Variants in DACH2 observed in about 807,000 individuals in gnomAD.
DACH2 encodes dachshund homolog 2.
DACH2 carries 17 observed loss-of-function variants against 35.8 expected under a neutral mutation model. The observed-to-expected ratio is 0.48, with a 90% CI of 0.33 to 0.71. The LOEUF (loss-of-function observed/expected upper bound fraction) is 0.71. Among genes scored for constraint, DACH2 ranks in the 30% least tolerant of loss-of-function variants. The pLI is 0.02. For synonymous variants in DACH2, 195 were observed against 177.3 expected (o/e 1.10, Z -0.79); for missense variants, 469 against 472.7 (o/e 0.99, Z 0.07).
At chrX:86,278,266 C>T (rs1321614274) in intron 1 of DACH2, among the ~76,000 whole-genome samples, 1 of 111,987 alleles carries the variant, frequency 8.9e-6, no homozygotes, top group Non-Finnish European at 1.9e-5. Flanking sequence ...TGACAACTCC[C>T]GAGTACACAT....
chrX:86,486,103 A>G (rs888429581), intron 2 of DACH2, among the ~76,000 whole-genome samples: 2 of 110,808 alleles, frequency 1.8e-5, no homozygotes, highest in Admixed American at 9.7e-5. Context: ...CACTGGTCCC[A>G]CCATACCCTC....
intron 1 of DACH2, among the ~76,000 whole-genome samples, chrX:86,233,948 G>T (rs1281420964): frequency 8.9e-6 from 1 of 111,911 alleles, no homozygotes; most frequent in Non-Finnish European, 1.9e-5. Flanking sequence ...AGAATTATGG[G>T]AGTACAATTC....
At chrX:86,471,854 G>T (rs1019907863) in intron 2 of DACH2, among the ~76,000 whole-genome samples, 4 of 111,378 alleles carry the variant, frequency 3.6e-5, no homozygotes, top group African/African-American at 1.3e-4. Context: ...TTATATTCTT[G>T]AAAATTGCTA....
intron 3 of DACH2, among the ~76,000 whole-genome samples, chrX:86,556,448 G>T (rs761316230): frequency 9.1e-6 from 1 of 110,192 alleles, no homozygotes; most frequent in Admixed American, 9.8e-5. Flanking sequence ...GCTTTTCAAA[G>T]ATTGGGTTCT....
intron 4 of DACH2, among the ~76,000 whole-genome samples, chrX:86,680,890 G>A (rs757605598): frequency 1.9e-4 from 21 of 110,422 alleles, no homozygotes; most frequent in Admixed American, 5.8e-4. Context: ...TTGGCCTTAA[G>A]CAATCCTCCT....
At chrX:86,781,937 A>G (rs1230895807) in intron 7 of DACH2, among the ~76,000 whole-genome samples, 1 of 112,172 alleles carries the variant, frequency 8.9e-6, no homozygotes, top group Admixed American at 9.5e-5. Context: ...GGAAAATTTT[A>G]AAGACTCCAC....
intron 1 of DACH2, among the ~76,000 whole-genome samples, chrX:86,161,566 A>C (rs1419234055): frequency 1.8e-5 from 2 of 112,253 alleles, no homozygotes; most frequent in Non-Finnish European, 3.8e-5. Flanking sequence ...ATTTTTGTGA[A>C]GCGTTTCTAC....
intron 7 of DACH2, among the ~76,000 whole-genome samples, chrX:86,801,025 A>T (rs1267081574): frequency 2.7e-5 from 3 of 111,353 alleles, no homozygotes; most frequent in Admixed American, 9.6e-5. Flanking sequence ...AAAAAATGTG[A>T]AAATTGCAGT....
At chrX:86,651,340 T>C (rs1324438269) in intron 4 of DACH2, among the ~76,000 whole-genome samples, 173 bp downstream of exon 4, 1 of 112,060 alleles carries the variant, frequency 8.9e-6, no homozygotes, top group Admixed American at 9.5e-5. Context: ...TAGAAAACAG[T>C]TACAAGTCAT....
rs2042621582 is a variant in DACH2, at chrX:86,832,359, C to G, written c.*204C>G. 5.5e-6 allele frequency: 2 copies of G among 365,675 alleles called. No homozygotes were observed. Among genetic ancestry groups the G allele is most frequent in the Admixed American group, 1.1e-4 (2 of 18,695 alleles). The allele number at this position is 365,675 out of a possible 1,213,427, so 30.1% of individuals were successfully genotyped here. On this transcript the variant is annotated 3_prime_UTR_variant, in exon 12 of 12. Coordinates refer to ENST00000373125, the MANE Select transcript of DACH2 (RefSeq NM_053281.3). ...AAACTTTGTTCTTGCATTAGACTGA[C>G]CAGTTTAAAAATATGAACTAAAACC...
chrX:86,827,628 T>C, intron 11 of DACH2: 7 of 495,306 alleles, frequency 1.4e-5, no homozygotes, highest in Non-Finnish European at 2.5e-5. Context: ...GAGAGATATA[T>C]TCAAATCTTG....
chrX:86,301,912 C>A (rs6617218), intron 1 of DACH2, among the ~76,000 whole-genome samples: 1 of 111,065 alleles, frequency 9.0e-6, no homozygotes, highest in Non-Finnish European at 1.9e-5. Context: ...TTATATTCTT[C>A]CCACCTCTTT....
chrX:86,696,967 T>C (rs981204417), intron 5 of DACH2, among the ~76,000 whole-genome samples: 5 of 111,822 alleles, frequency 4.5e-5, no homozygotes, highest in Non-Finnish European at 7.5e-5. Context: ...GTAAACTACT[T>C]GGTTTTGCTA....
chrX:86,314,913 C>T (rs1387665172), intron 1 of DACH2, among the ~76,000 whole-genome samples: 1 of 112,414 alleles, frequency 8.9e-6, no homozygotes, highest in East Asian at 2.8e-4. Flanking sequence ...CAATATAAAA[C>T]AGCGAGGTGA....
rs192240855 is a variant in DACH2 at position 86,716,582 on chromosome X, G to A, written c.1104+1862G>A. ...TCAAAGTAATGGTATTGTTATACTG[G>A]CTTTGGAATGATGGAAGAGTACTCT... is the stretch of plus-strand genomic sequence containing the variant. On this transcript the variant is annotated intron_variant, in intron 6 of 11. Coordinates refer to ENST00000373125, the MANE Select transcript of DACH2 (RefSeq NM_053281.3). 1.7e-3 allele frequency among the ~76,000 whole-genome samples: 184 copies of A among 111,392 alleles called. 1 individual carries two copies. The highest frequency in any genetic ancestry group is 5.8e-3 in the African/African-American group (178 of 30,709).
At chrX:86,682,906 G>A (rs913356915) in intron 4 of DACH2, among the ~76,000 whole-genome samples, 1 of 110,372 alleles carries the variant, frequency 9.1e-6, no homozygotes, top group African/African-American at 3.3e-5. Flanking sequence ...GATAAAATTA[G>A]AATTATTCAG....
chrX:86,740,439 GT>G lies in DACH2; in HGVS notation c.1240+558del, dbSNP rs2041642226. Among the ~76,000 whole-genome samples, 3 of 105,348 alleles carry G rather than the reference GT, an allele frequency of 2.8e-5. No homozygotes were observed. In the South Asian group the frequency reaches 1.4e-3, roughly 47 times the overall value. The allele number at this position is 105,348 out of a possible 115,157, so 91.5% of individuals were successfully genotyped here. On this transcript the variant is annotated intron_variant, in intron 7 of 11. Transcript: ENST00000373125. ...ACATATGTATACATCTGCCATGCTG[GT>G]GTGCTGCACCCATTAACTCGTCATT...
rs1330367795 is a variant in DACH2 at position 86,744,503 on chromosome X, C to T, written c.1240+4621C>T. ...ATGTTTTCACATCTGCTTTGAGTAT[C>T]ATCATGATTTTAAAAATGATTTATA... On this transcript the variant is annotated intron_variant, in intron 7 of 11. Coordinates refer to ENST00000373125, the MANE Select transcript of DACH2 (RefSeq NM_053281.3). 3.6e-5 allele frequency among the ~76,000 whole-genome samples: 4 copies of T among 111,565 alleles called. No individual in the cohort carries two copies. In the East Asian group the frequency reaches 1.1e-3, roughly 31 times the overall value.
At chrX:86,169,246 T>A (rs2031045958) in intron 1 of DACH2, among the ~76,000 whole-genome samples, 1 of 111,890 alleles carries the variant, frequency 8.9e-6, no homozygotes, top group Non-Finnish European at 1.9e-5. Context: ...CTGTAAGGTT[T>A]CCACTGAATA....
Sources: gnomAD v4.1 joint callset for allele counts (sites outside exome capture counted in the v4.1 genomes callset) on GRCh38, gnomAD v4.1.1 for gene constraint, MANE v1.5 for transcripts, NCBI Gene and HGNC (gene_info 2026-07-23, HGNC 2026-07-21) for gene names.